The following TRDN variants were observed in gnomAD, a reference collection of about 807,000 sequenced individuals.
TRDN encodes triadin in skeletal muscle.
TRDN carries 161 observed loss-of-function variants against 149.7 expected under a neutral mutation model. The observed-to-expected ratio is 1.08, with a 90% CI of 0.95 to 1.23. The LOEUF (loss-of-function observed/expected upper bound fraction) is 1.23, where lower values mean the gene tolerates loss of function less well. TRDN is among the 50% of genes most tolerant of loss of function. The pLI is 0.00. For synonymous variants in TRDN, 294 were observed against 250.5 expected (o/e 1.17, Z -1.64); for missense variants, 896 against 823.5 (o/e 1.09, Z -1.08).
chr6:123,348,321 T>C (rs1430368691), intron 21 of TRDN, among the ~76,000 whole-genome samples: 1 of 152,136 alleles, frequency 6.6e-6, no homozygotes, highest in East Asian at 1.9e-4. Context: ...CTAAAATTAC[T>C]TGACCTGAAA....
intron 14 of TRDN, 146 bp downstream of exon 14, chr6:123,388,376 G>GA: frequency 1.1e-6 from 1 of 871,624 alleles, no homozygotes; most frequent in Non-Finnish European, 1.8e-6. Context: ...AGGTGAAGTA[G>GA]AAAAAGCACA....
At chr6:123,555,046 C>T (rs1011357486) in intron 2 of TRDN, among the ~76,000 whole-genome samples, 1 of 152,158 alleles carries the variant, frequency 6.6e-6, no homozygotes, top group Non-Finnish European at 1.5e-5. Context: ...TCAGCATCAA[C>T]AATACTAGGC....
At chr6:123,279,200 A>T in intron 24 of TRDN, 118 bp from the exon 25 acceptor site, 1 of 793,866 alleles carries the variant, frequency 1.3e-6, no homozygotes, top group Non-Finnish European at 1.8e-6. Context: ...GACCCCACCT[A>T]TCCTTTTTTG....
intron 29 of TRDN, among the ~76,000 whole-genome samples, chr6:123,272,440 T>TA (rs534549541): frequency 8.9e-4 from 135 of 151,970 alleles, no homozygotes; most frequent in African/African-American, 3.1e-3. Context: ...ATCTTTTTTT[T>TA]ACAAGCAGAA....
rs538477560 is a variant in TRDN, at chr6:123,584,693, C to T, written c.23-13561G>A. ...GTACAGCCTAGGTAATTTGCTGAGC[C>T]TAGTGGGTGTCAGGGTCAGTCCAAG... On this transcript the variant is annotated intron_variant, in intron 1 of 40. Coordinates refer to ENST00000334268, the MANE Select transcript of TRDN (RefSeq NM_006073.4). 1.3e-3 allele frequency among the ~76,000 whole-genome samples: 202 copies of T among 152,202 alleles called. 3 individuals carry two copies. The East Asian group carries it at 0.036, about 27-fold the overall frequency.
chr6:123,487,164 G>T (rs1778011085), intron 9 of TRDN, among the ~76,000 whole-genome samples: 2 of 151,920 alleles, frequency 1.3e-5, no homozygotes, highest in Admixed American at 6.6e-5. Flanking sequence ...AAAAAAAAAG[G>T]ACTCAGCCAA....
Position 123,611,583 on chromosome 6 carries a change from G to T in TRDN, c.22+25171C>A, listed in dbSNP as rs62419212. ...TCCTATTATGTATAAGACAGTGCTG[G>T]TACTTTCATATATATAGTATATGAA... On this transcript the variant is annotated intron_variant, in intron 1 of 40. Transcript: ENST00000334268. Among the ~76,000 whole-genome samples the T allele has an allele frequency of 6.6e-3, 1,006 of 152,100 alleles. 12 individuals are homozygous for T. The highest frequency in any genetic ancestry group is 0.01 in the Non-Finnish European group (698 of 67,968).
intron 23 of TRDN, among the ~76,000 whole-genome samples, chr6:123,322,694 G>T (rs1406761354): frequency 6.6e-6 from 1 of 151,080 alleles, no homozygotes; most frequent in Admixed American, 6.6e-5. Context: ...AGGCTGGAGT[G>T]CAGTGGCGCA....
intron 38 of TRDN, among the ~76,000 whole-genome samples, chr6:123,236,580 A>C (rs955809782): frequency 1.3e-5 from 2 of 152,176 alleles, no homozygotes; most frequent in Non-Finnish European, 2.9e-5. Flanking sequence ...CATGTTTTAC[A>C]TTTAGAGATA....
intron 40 of TRDN, among the ~76,000 whole-genome samples, chr6:123,219,141 G>GA (rs1775051896): frequency 6.6e-6 from 1 of 151,912 alleles, no homozygotes; most frequent in Non-Finnish European, 1.5e-5. Context: ...CAAAGCAACA[G>GA]ACTGTGTGTG....
rs115038297 is a variant in TRDN, at chr6:123,450,745, C to G, written c.932-11742G>C. On this transcript the variant is annotated intron_variant, in intron 10 of 40. Coordinates refer to ENST00000334268, the MANE Select transcript of TRDN (RefSeq NM_006073.4). Reference sequence around the variant, plus strand: ...GGATTTAAACTATATCTTGGAACAACTGGACTTAACAGATATATACAGAAC... The same window carrying G: ...GGATTTAAACTATATCTTGGAACAAGTGGACTTAACAGATATATACAGAAC... Among the ~76,000 whole-genome samples, 363 of 152,114 alleles carry G rather than the reference C, an allele frequency of 2.4e-3. 1 individual carries two copies. Among genetic ancestry groups the G allele is most frequent in the African/African-American group, 8.2e-3 (342 of 41,522 alleles).
At chr6:123,591,703 T>C (rs1422890879) in intron 1 of TRDN, among the ~76,000 whole-genome samples, 1 of 152,216 alleles carries the variant, frequency 6.6e-6, no homozygotes, top group Non-Finnish European at 1.5e-5. Context: ...TAAGGTTTCC[T>C]ATGTGTTTTG....
chr6:123,225,376 C>T (rs1322007872), intron 38 of TRDN, among the ~76,000 whole-genome samples: 1 of 151,636 alleles, frequency 6.6e-6, no homozygotes, highest in East Asian at 1.9e-4. Flanking sequence ...AGACAATAGT[C>T]ATCCTCAACA....
intron 40 of TRDN, among the ~76,000 whole-genome samples, chr6:123,219,498 A>T (rs2114494192): frequency 6.6e-6 from 1 of 151,976 alleles, no homozygotes. Context: ...AGGCCAGGAA[A>T]GAAAAATCAT....
chr6:123,364,358 G>C (rs1781009193), intron 20 of TRDN, among the ~76,000 whole-genome samples: 1 of 152,132 alleles, frequency 6.6e-6, no homozygotes, highest in South Asian at 2.1e-4. Flanking sequence ...TCTAATTCCA[G>C]TCGGGCGTGG....
At chr6:123,522,795 C>T (rs868358371) in intron 5 of TRDN, among the ~76,000 whole-genome samples, 15 of 152,206 alleles carry the variant, frequency 9.9e-5, no homozygotes, top group Middle Eastern at 6.8e-3. Context: ...ACTTCGTTCA[C>T]AAATTAAATC....
intron 38 of TRDN, among the ~76,000 whole-genome samples, chr6:123,229,324 T>C (rs1182461949): frequency 1.3e-5 from 2 of 151,928 alleles, no homozygotes; most frequent in Non-Finnish European, 2.9e-5. Flanking sequence ...TAAAAATCAA[T>C]AAATTTACAA....
chr6:123,317,325 A>G (rs1463498833), intron 23 of TRDN, among the ~76,000 whole-genome samples: 2 of 151,858 alleles, frequency 1.3e-5, no homozygotes, highest in African/African-American at 2.4e-5. Context: ...CAAACAGCAG[A>G]AAAAACTGAC....
In TRDN at chr6:123,548,468, T is replaced by C. The variant is rs1781225210; in HGVS notation, c.377A>G (p.Glu126Gly). Residue 126 changes from glutamate to glycine, a missense_variant, in exon 3 of 41, where the codon GAA becomes GGA. Glu to Gly is a moderately conservative substitution (Grantham distance 98). Transcript: ENST00000334268. ...GTTCTTTGTACCTTTATCAGTATCT[T>C]CGTCACCATCATCATCTTCTTCATC... ...SEDEEDDDGD[E>G]DTDKGEIDEP... 1.9e-6 allele frequency: 3 copies of C among 1,568,132 alleles called. No individual in the cohort carries two copies. Among genetic ancestry groups the C allele is most frequent in the Non-Finnish European group, 2.6e-6 (3 of 1,158,502 alleles).
Sources: allele counts gnomAD v4.1 joint callset (sites outside exome capture counted in the v4.1 genomes callset), GRCh38; gene constraint gnomAD v4.1.1; transcripts MANE v1.5; gene names NCBI Gene and HGNC (gene_info 2026-07-23, HGNC 2026-07-21).